CEP83: variants seen among roughly 807,000 people sequenced by gnomAD.
The protein encoded by CEP83 is centrosomal protein 83.
In CEP83, 70 loss-of-function variants were observed where a neutral mutation model predicts 101.9. The observed-to-expected ratio is 0.69, with a 90% CI of 0.57 to 0.84. CEP83 has a LOEUF of 0.84. Among genes scored for constraint, CEP83 ranks in the 40% least tolerant of loss-of-function variants. The pLI, the probability that CEP83 is intolerant of heterozygous loss-of-function variation, is 0.00. For missense variants in CEP83, 715 were observed against 787.2 expected, an observed-to-expected ratio of 0.91 and a Z score of 1.10; for synonymous variants, 264 against 267.9, an observed-to-expected ratio of 0.99 and a Z score of 0.14.
In CEP83 at chr12:94,459,396, T is replaced by C. The variant is rs139482257; in HGVS notation, c.-155+161A>G. On this transcript the variant is annotated intron_variant, in intron 1 of 16. Transcript: ENST00000397809. Reference sequence around the variant, plus strand: ...AGCCAGAGTGCATCCAAAAGCTCCATGAAGAGTTTCACGTGCGTCTCTCTG... The same window carrying C: ...AGCCAGAGTGCATCCAAAAGCTCCACGAAGAGTTTCACGTGCGTCTCTCTG... Among the ~76,000 whole-genome samples, 17 of 152,322 alleles carry C rather than the reference T, an allele frequency of 1.1e-4. No individual in the cohort carries two copies. In the East Asian group the frequency reaches 2.5e-3, roughly 22 times the overall value.
intron 6 of CEP83, among the ~76,000 whole-genome samples, chr12:94,384,652 T>C (rs1456173178): frequency 1.3e-5 from 2 of 152,162 alleles, no homozygotes; most frequent in Non-Finnish European, 2.9e-5. Context: ...AGCTCAGTAG[T>C]TTTTTCCTCT....
the CEP83 span, among the ~76,000 whole-genome samples, chr12:94,280,839 T>C: frequency 6.6e-6 from 1 of 152,116 alleles, no homozygotes; most frequent in South Asian, 2.1e-4. Context: ...TTTCCTGAGT[T>C]TGGGTGTCCC....
intron 13 of CEP83, among the ~76,000 whole-genome samples, chr12:94,333,063 A>C (rs557083223): frequency 4.8e-5 from 7 of 145,938 alleles, no homozygotes; most frequent in African/African-American, 1.2e-4. Context: ...AAAAAAAAAA[A>C]AACAAATAAA....
chr12:94,421,421 G>T (rs2064735859), intron 2 of CEP83, among the ~76,000 whole-genome samples: 1 of 152,072 alleles, frequency 6.6e-6, no homozygotes. Flanking sequence ...ATTGGGCTCA[G>T]CATCATGTCA....
At chr12:94,333,181 G>C (rs2059309283) in intron 13 of CEP83, among the ~76,000 whole-genome samples, 1 of 151,742 alleles carries the variant, frequency 6.6e-6, no homozygotes, top group Admixed American at 6.6e-5. Flanking sequence ...CAGAAGAATA[G>C]ATTTTTGAAG....
At chr12:94,458,000 C>A (rs2067814152) in intron 1 of CEP83, among the ~76,000 whole-genome samples, 1 of 151,908 alleles carries the variant, frequency 6.6e-6, no homozygotes, top group Admixed American at 6.6e-5. Flanking sequence ...AGTTCGTGAC[C>A]AGCCTGGGCA....
chr12:94,415,934 T>C (rs774077196), intron 2 of CEP83, among the ~76,000 whole-genome samples: 3 of 152,142 alleles, frequency 2.0e-5, no homozygotes, highest in African/African-American at 7.2e-5. Flanking sequence ...TTTATAAATG[T>C]TGACCACATG....
At chr12:94,268,588 CTTTT>C in the CEP83 span, among the ~76,000 whole-genome samples, 2 of 90,884 alleles carry the variant, frequency 2.2e-5, no homozygotes, top group East Asian at 3.6e-4. Context: ...AGAATAAGAC[CTTTT>C]TTTTTTTTTT....
rs747886072 is a variant in CEP83, at chr12:94,331,727, C to T, written c.1680G>A (p.Leu560=). The change falls in exon 14 of 17, where the codon CTG becomes CTA. Residue 560 remains leucine (L), a synonymous_variant. Coordinates refer to ENST00000397809, the MANE Select transcript of CEP83 (RefSeq NM_016122.3). Reference sequence around the variant, plus strand: ...TTTTCTGGGCAATTGCAGCTCGCTGCAGTTTCTCCTTAGCTTGATTGTACT... The same window carrying T: ...TTTTCTGGGCAATTGCAGCTCGCTGTAGTTTCTCCTTAGCTTGATTGTACT... The part of the protein sequence containing the change: ...EEKYNQAKEK[L]QRAAIAQKKR... The T allele has an allele frequency of 6.2e-7, 1 of 1,613,936 alleles. No homozygotes were observed. Among genetic ancestry groups the T allele is most frequent in the Non-Finnish European group, 8.5e-7 (1 of 1,180,004 alleles).
intron 14 of CEP83, among the ~76,000 whole-genome samples, chr12:94,330,831 A>G (rs1239958317): frequency 6.6e-6 from 1 of 152,218 alleles, no homozygotes; most frequent in Non-Finnish European, 1.5e-5. Flanking sequence ...AATGCATGTC[A>G]GCTCAAAACA....
At chr12:94,443,994 C>G (rs961139116) in intron 1 of CEP83, among the ~76,000 whole-genome samples, 1 of 152,104 alleles carries the variant, frequency 6.6e-6, no homozygotes, top group Non-Finnish European at 1.5e-5. Context: ...GATGTGAATC[C>G]TACTCTCCCA....
intron 1 of CEP83, among the ~76,000 whole-genome samples, chr12:94,456,047 C>CA (rs56804581): frequency 1.1e-3 from 147 of 128,300 alleles, no homozygotes; most frequent in East Asian, 6.0e-3. Context: ...AACTCCATCT[C>CA]AAAAAAAAAA....
intron 6 of CEP83, among the ~76,000 whole-genome samples, chr12:94,388,660 G>C (rs2062316379): frequency 6.6e-6 from 1 of 152,148 alleles, no homozygotes; most frequent in East Asian, 1.9e-4. Context: ...AGTGAAAAGA[G>C]AAAATAATTT....
At chr12:94,414,184 G>A (rs1231191252) in intron 2 of CEP83, among the ~76,000 whole-genome samples, 2 of 152,126 alleles carry the variant, frequency 1.3e-5, no homozygotes, top group African/African-American at 2.4e-5. Context: ...TACAGAATGC[G>A]CTATCTGTAG....
intron 6 of CEP83, among the ~76,000 whole-genome samples, chr12:94,398,131 A>G (rs2063016422): frequency 6.6e-6 from 1 of 152,252 alleles, no homozygotes; most frequent in Non-Finnish European, 1.5e-5. Flanking sequence ...ACATGGACTT[A>G]GCATATGTAT....
At chr12:94,311,459 G>C (rs909834369) in intron 15 of CEP83, among the ~76,000 whole-genome samples, 2 of 152,186 alleles carry the variant, frequency 1.3e-5, no homozygotes, top group Non-Finnish European at 2.9e-5. Context: ...GCTTATGGCT[G>C]CATTCTGAAG....
chr12:94,437,741 C>A (rs1040456733), intron 1 of CEP83, among the ~76,000 whole-genome samples: 1 of 152,198 alleles, frequency 6.6e-6, no homozygotes. Flanking sequence ...AGTTCTGACT[C>A]TTGAAACAAT....
chr12:94,457,929 G>A (rs1379941688), intron 1 of CEP83, among the ~76,000 whole-genome samples: 1 of 152,160 alleles, frequency 6.6e-6, no homozygotes, highest in Non-Finnish European at 1.5e-5. Context: ...AGGCACGCTG[G>A]CTCACACCTG....
At chr12:94,430,656 G>A (rs1430541745) in intron 2 of CEP83, among the ~76,000 whole-genome samples, 1 of 152,160 alleles carries the variant, frequency 6.6e-6, no homozygotes, top group African/African-American at 2.4e-5. Context: ...CATTTTCAGA[G>A]TCTCATAAGG....
Sources: allele counts gnomAD v4.1 joint callset (sites outside exome capture counted in the v4.1 genomes callset), GRCh38; gene constraint gnomAD v4.1.1; transcripts MANE v1.5; gene names NCBI Gene and HGNC (gene_info 2026-07-23, HGNC 2026-07-21).